The following MYLK variants were observed in gnomAD, a reference collection of about 807,000 sequenced individuals.
MYLK encodes myosin light chain kinase, also known as myosin light chain kinase, smooth muscle.
In MYLK, 106 loss-of-function variants were observed where a neutral mutation model predicts 203.4. The observed-to-expected ratio is 0.52, with a 90% confidence interval of 0.45 to 0.61. The LOEUF (loss-of-function observed/expected upper bound fraction) is 0.61. Among genes scored for constraint, MYLK ranks in the 20% least tolerant of loss-of-function variants. MYLK has a pLI of 0.00. For synonymous variants in MYLK, 867 were observed against 959.5 expected, an observed-to-expected ratio of 0.90 and a Z score of 1.78; for missense variants, 2,072 against 2,442.3, an observed-to-expected ratio of 0.85 and a Z score of 3.20.
intron 31 of MYLK, chr3:123,621,576 A>C (rs920959090): frequency 6.6e-6 from 1 of 152,240 alleles, no homozygotes; most frequent in Non-Finnish European, 1.5e-5. Flanking sequence ...GATCATTTTG[A>C]AAGTGAATAA....
rs750423647 is a variant in MYLK, at chr3:123,640,374, G to A, written c.4750C>T (p.Leu1584=). 5.0e-6 allele frequency: 8 copies of A among 1,613,936 alleles called. No homozygotes were observed. Among genetic ancestry groups the A allele is most frequent in the South Asian group, 2.2e-5 (2 of 91,046 alleles). ...ATGATGTTCTCCGGCTTGAGGTCCA[G>A]GTGCACGATGCCCTGCTTGTGGATG... is the stretch of plus-strand genomic sequence containing the variant. ...EYIHKQGIVH[L]DLKPENIMCV... Residue 1584 remains leucine (L), a synonymous_variant, in exon 28 of 34, where the codon CTG becomes TTG. Transcript: ENST00000360304. This position sits in a 1 kb window ranked among gnomAD's most constrained non-coding sequence, Gnocchi z 4.3.
chr3:123,628,037 T>C (rs201812925), intron 30 of MYLK, among the ~76,000 whole-genome samples: 1 of 152,354 alleles, frequency 6.6e-6, no homozygotes, highest in East Asian at 1.9e-4. Flanking sequence ...TTCCATCTCC[T>C]GAGGCACCTT....
chr3:123,651,409 G>C (rs1436298967), intron 24 of MYLK, among the ~76,000 whole-genome samples: 1 of 152,156 alleles, frequency 6.6e-6, no homozygotes, highest in Non-Finnish European at 1.5e-5. Context: ...TGAGTGATGG[G>C]ACACCAGGTG....
chr3:123,818,069 T>C (rs140599830), intron 3 of MYLK, among the ~76,000 whole-genome samples: 100 of 152,206 alleles, frequency 6.6e-4, no homozygotes, highest in African/African-American at 2.3e-3. Context: ...CTTTGAAAGG[T>C]AACCACTGAG....
chr3:123,699,571 G>A (rs189872878), intron 18 of MYLK, among the ~76,000 whole-genome samples: 1 of 152,314 alleles, frequency 6.6e-6, no homozygotes, highest in Non-Finnish European at 1.5e-5. Flanking sequence ...AACCTAAGAT[G>A]CTTCTCTAAA....
At chr3:123,786,444 CA>C (rs1456304112) in intron 4 of MYLK, among the ~76,000 whole-genome samples, 1 of 141,592 alleles carries the variant, frequency 7.1e-6, no homozygotes, top group Admixed American at 7.6e-5. Flanking sequence ...AGTGTGAAAA[CA>C]AAAACACCGA....
chr3:123,679,516 T>TAGC (rs1406152510), intron 20 of MYLK, among the ~76,000 whole-genome samples: 4 of 151,596 alleles, frequency 2.6e-5, no homozygotes, highest in African/African-American at 9.7e-5. Flanking sequence ...AGTGTTGGGG[T>TAGC]AGCAGGTTTG....
At chr3:123,671,491 G>C (rs146610243) in intron 20 of MYLK, among the ~76,000 whole-genome samples, 2 of 152,296 alleles carry the variant, frequency 1.3e-5, no homozygotes, top group East Asian at 3.9e-4. Flanking sequence ...CACAAGCAAG[G>C]GTAGAGGACA....
intron 22 of MYLK, among the ~76,000 whole-genome samples, chr3:123,664,881 A>T (rs975423120): frequency 6.6e-6 from 1 of 152,228 alleles, no homozygotes; most frequent in Admixed American, 6.5e-5. Context: ...AGAGAATGAC[A>T]TACTGTATGA....
At chr3:123,861,153 A>AC (rs956073450) in intron 2 of MYLK, among the ~76,000 whole-genome samples, 37 of 152,096 alleles carry the variant, frequency 2.4e-4, no homozygotes, top group Non-Finnish European at 4.0e-4. Flanking sequence ...AAAACAAAAA[A>AC]AAAAAACTGA....
chr3:123,739,955 T>C lies in MYLK; in HGVS notation c.420A>G (p.Leu140=). The change falls in exon 6 of 34, where the codon TTA becomes TTG. Residue 140 remains leucine (L), a splice_region_variant and synonymous_variant. Coordinates refer to ENST00000360304, the MANE Select transcript of MYLK (RefSeq NM_053025.4). ...TGTCTTGAACATCCAGGACTTACCC[T>C]AAGGTTTTGGAAACAACAGGCTGAC... is the stretch of plus-strand genomic sequence containing the variant. ...QLGQPVVSKT[L]GDRFSAPAVE... The C allele has an allele frequency of 6.2e-7, 1 of 1,613,908 alleles. No homozygotes were observed. The highest frequency in any genetic ancestry group is 8.5e-7 in the Non-Finnish European group (1 of 1,179,802).
At chr3:123,692,883 T>C (rs763360646) in intron 18 of MYLK, 32 bp from the exon 19 acceptor site, 2 of 1,583,488 alleles carry the variant, frequency 1.3e-6, no homozygotes, top group Non-Finnish European at 1.7e-6. Flanking sequence ...GTGAACCAGG[T>C]GTGGTCGTAG....
intron 2 of MYLK, among the ~76,000 whole-genome samples, chr3:123,862,382 C>T (rs947913647): frequency 2.6e-5 from 4 of 152,130 alleles, no homozygotes; most frequent in Non-Finnish European, 4.4e-5. Context: ...TTCTAAGTGC[C>T]TTAAATCCAT....
chr3:123,679,195 T>C (rs2060174761), intron 20 of MYLK, among the ~76,000 whole-genome samples: 1 of 150,590 alleles, frequency 6.6e-6, no homozygotes, highest in Admixed American at 6.7e-5. Flanking sequence ...TAGTCCCAGC[T>C]ACTAGGCAGG....
chr3:123,658,548 A>C (rs542593391), intron 23 of MYLK, among the ~76,000 whole-genome samples: 2 of 152,314 alleles, frequency 1.3e-5, no homozygotes, highest in African/African-American at 4.8e-5. Flanking sequence ...GATTTCATGA[A>C]GCCTCACAAA....
chr3:123,664,647 A>G (rs1038088728), intron 22 of MYLK, among the ~76,000 whole-genome samples: 2 of 152,166 alleles, frequency 1.3e-5, no homozygotes, highest in South Asian at 2.1e-4. Flanking sequence ...GTGCTGTCCA[A>G]TGCTGTAGCC....
intron 2 of MYLK, among the ~76,000 whole-genome samples, chr3:123,849,759 T>C (rs2030514196): frequency 2.0e-5 from 3 of 152,220 alleles, no homozygotes; most frequent in Admixed American, 2.0e-4. Context: ...TTTTTTTTAT[T>C]ATACTTTAAG....
At chr3:123,848,251 T>A in intron 2 of MYLK, among the ~76,000 whole-genome samples, 1 of 46,220 alleles carries the variant, frequency 2.2e-5, no homozygotes. Flanking sequence ...TGGGTCTTAT[T>A]TTGAAAAAAA....
At chr3:123,614,449 G>C in intron 33 of MYLK, 100 bp from the exon 34 acceptor site, 1 of 1,453,510 alleles carries the variant, frequency 6.9e-7, no homozygotes, top group Non-Finnish European at 9.5e-7. Context: ...TGATTAAGGT[G>C]GTTAAGGAGA....
Sources: allele counts gnomAD v4.1 joint callset (sites outside exome capture counted in the v4.1 genomes callset), GRCh38; gene constraint gnomAD v4.1.1; non-coding constraint Gnocchi (gnomAD v3.1); transcripts MANE v1.5; gene names NCBI Gene and HGNC (gene_info 2026-07-23, HGNC 2026-07-21).